The following AP4E1 variants were observed in gnomAD, a reference collection of about 807,000 sequenced individuals.
AP4E1 encodes adaptor related protein complex 4 subunit epsilon 1.
Under a neutral mutation model 128.2 loss-of-function variants are expected in AP4E1, and 56 were observed. The ratio of observed to expected loss-of-function variants is 0.44; its 90% CI spans 0.35 to 0.55. The LOEUF is 0.55. Among genes scored for constraint, AP4E1 ranks in the 20% least tolerant of loss-of-function variants. The pLI is 0.00. For missense variants in AP4E1, 1,324 were observed against 1,307.7 expected, an observed-to-expected ratio of 1.01 and a Z score of -0.19; for synonymous variants, 484 against 473.1, an observed-to-expected ratio of 1.02 and a Z score of -0.30.
intron 15 of AP4E1, among the ~76,000 whole-genome samples, chr15:50,973,604 C>A (rs1256691996): frequency 6.6e-6 from 1 of 152,186 alleles, no homozygotes; most frequent in Non-Finnish European, 1.5e-5. Context: ...CTGGCAGCAA[C>A]CAGTCCATTC....
chr15:50,948,762 C>T (rs972535640), intron 11 of AP4E1, among the ~76,000 whole-genome samples: 1 of 151,658 alleles, frequency 6.6e-6, no homozygotes, highest in African/African-American at 2.4e-5. Context: ...CACCTGAGGT[C>T]GGGAGTTTGA....
intron 11 of AP4E1, 33 bp from the exon 12 acceptor site, chr15:50,949,793 T>C: frequency 6.8e-7 from 1 of 1,473,772 alleles, no homozygotes; most frequent in South Asian, 1.1e-5. Flanking sequence ...AAGTAGCATT[T>C]GGAAGTGTAC....
chr15:50,991,007 C>G (rs2064799197), intron 16 of AP4E1, among the ~76,000 whole-genome samples: 1 of 152,114 alleles, frequency 6.6e-6, no homozygotes. Context: ...CTCTGCTGAC[C>G]CCATGGGGAG....
upstream of AP4E1, chr15:50,908,489 G>C: frequency 3.0e-6 from 1 of 333,786 alleles, no homozygotes; most frequent in East Asian, 5.6e-5. Context: ...TTCCTCAGGA[G>C]GACTCACGGT....
chr15:50,930,985 A>C lies in AP4E1; in HGVS notation c.869+14A>C, dbSNP rs777227981. On this transcript the variant is annotated intron_variant, in intron 7 of 20. Transcript: ENST00000261842. Reference sequence around the variant, plus strand: ...AGATGATCAAAGGTAAACTATTTTCAGTAAGTTTGCTTAATGACCCCCATA... The same window carrying C: ...AGATGATCAAAGGTAAACTATTTTCCGTAAGTTTGCTTAATGACCCCCATA... The C allele has an allele frequency of 1.4e-5, 22 of 1,614,050 alleles. No homozygotes were observed. Among genetic ancestry groups the C allele is most frequent in the Non-Finnish European group, 8.5e-6 (10 of 1,179,958 alleles).
chr15:50,972,222 T>TTTC (rs1567246852), intron 15 of AP4E1, among the ~76,000 whole-genome samples: 11 of 151,776 alleles, frequency 7.2e-5, no homozygotes, highest in African/African-American at 2.4e-4. Context: ...TTCTTTCTTT[T>TTTC]TTCTTTTGAG....
At chr15:50,986,549 G>A (rs1308668305) in intron 16 of AP4E1, among the ~76,000 whole-genome samples, 2 of 152,132 alleles carry the variant, frequency 1.3e-5, no homozygotes, top group Admixed American at 6.5e-5. Flanking sequence ...GGCCTTTTCT[G>A]CATCTATTGA....
chr15:51,002,838 A>G lies in AP4E1; in HGVS notation c.*176A>G. 1 of 773,080 alleles carries G rather than the reference A, an allele frequency of 1.3e-6. No homozygotes were observed. Among genetic ancestry groups the G allele is most frequent in the African/African-American group, 1.7e-5 (1 of 57,768 alleles). 47.9% of individuals were successfully genotyped at this position (773,080 alleles called of 1,614,324 possible). On this transcript the variant is annotated 3_prime_UTR_variant, in exon 21 of 21. Coordinates refer to ENST00000261842, the MANE Select transcript of AP4E1 (RefSeq NM_007347.5). ...GAAAGATCCCCAAAACTGTATCCCT[A>G]ACCTTTAACTCAGGATTGTACAGTA...
intron 15 of AP4E1, 67 bp from the exon 16 acceptor site, chr15:50,983,955 A>G: frequency 6.5e-7 from 1 of 1,531,824 alleles, no homozygotes; most frequent in South Asian, 1.1e-5. Flanking sequence ...GTGGTAGTGA[A>G]TGGTAACTTT....
Position 50,914,448 on chromosome 15 carries a change from T to G in AP4E1, c.223-1000T>G, listed in dbSNP as rs138524231. Among the ~76,000 whole-genome samples, 755 of 151,916 alleles carry G rather than the reference T, an allele frequency of 5.0e-3. 9 individuals are homozygous for G. The highest frequency in any genetic ancestry group is 0.017 in the African/African-American group (717 of 41,454). The stretch of plus-strand genomic sequence containing the variant: ...GGTGGATCATTTGAGGTCAAGAGTT[T>G]GAGACCAGCCTGGCCAACATGGTGA... On this transcript the variant is annotated intron_variant, in intron 2 of 20. Coordinates refer to ENST00000261842, the MANE Select transcript of AP4E1 (RefSeq NM_007347.5).
chr15:50,977,706 G>GTTTTTTTTTTTT (rs1401774266), intron 15 of AP4E1, among the ~76,000 whole-genome samples: 1,329 of 80,002 alleles, frequency 0.017, 85 homozygotes, highest in African/African-American at 0.022. Flanking sequence ...ATCTGTTATG[G>GTTTTTTTTTTTT]TTTTTTTTTT....
At chr15:50,920,694 G>T (rs961716968) in intron 3 of AP4E1, among the ~76,000 whole-genome samples, 1 of 150,572 alleles carries the variant, frequency 6.6e-6, no homozygotes, top group East Asian at 2.0e-4. Flanking sequence ...CACTGCGCCC[G>T]GCCATTTTAT....
chr15:50,989,609 T>C (rs1374325767), intron 16 of AP4E1, among the ~76,000 whole-genome samples: 2 of 152,166 alleles, frequency 1.3e-5, no homozygotes, highest in East Asian at 3.9e-4. Context: ...TGACAGCAAT[T>C]AAGTGTCCCA....
intron 3 of AP4E1, among the ~76,000 whole-genome samples, chr15:50,922,486 G>A (rs925697532): frequency 1.2e-4 from 19 of 152,152 alleles, no homozygotes; most frequent in Non-Finnish European, 2.4e-4. Context: ...ACTACCTCTT[G>A]ATTGTAAGAA....
At chr15:50,916,800 G>T (rs1052505907) in intron 3 of AP4E1, among the ~76,000 whole-genome samples, 12 of 151,992 alleles carry the variant, frequency 7.9e-5, no homozygotes, top group African/African-American at 2.9e-4. Context: ...TATTTCTCCT[G>T]TGATCACTCA....
chr15:50,922,387 C>A (rs961440626), intron 3 of AP4E1, among the ~76,000 whole-genome samples: 2 of 151,910 alleles, frequency 1.3e-5, no homozygotes, highest in Non-Finnish European at 2.9e-5. Flanking sequence ...TTTCTTGGCC[C>A]GGGTCAGATT....
At chr15:50,949,983 A>G in intron 12 of AP4E1, 45 bp downstream of exon 12, 1 of 1,593,962 alleles carries the variant, frequency 6.3e-7, no homozygotes, top group Non-Finnish European at 8.6e-7. Context: ...TTTAAAGTTT[A>G]ATGTTTTTAT....
intron 3 of AP4E1, among the ~76,000 whole-genome samples, chr15:50,918,785 T>G (rs997401213): frequency 6.6e-6 from 1 of 152,260 alleles, no homozygotes. Context: ...CTATATAGAT[T>G]ATTCTATACC....
chr15:50,991,845 T>G (rs916102508), intron 16 of AP4E1, among the ~76,000 whole-genome samples: 14 of 152,132 alleles, frequency 9.2e-5, no homozygotes, highest in African/African-American at 3.1e-4. Flanking sequence ...TTTCTGAGTC[T>G]TCCTTTTTGT....
Sources: gnomAD v4.1 joint callset for allele counts (sites outside exome capture counted in the v4.1 genomes callset) on GRCh38, gnomAD v4.1.1 for gene constraint, MANE v1.5 for transcripts, NCBI Gene and HGNC (gene_info 2026-07-23, HGNC 2026-07-21) for gene names.